The following ERC2 variants were observed in gnomAD, a reference collection of about 807,000 sequenced individuals.
ERC2 encodes the protein ELKS/RAB6-interacting/CAST family member 2, also known as ERC protein 2.
A neutral mutation model predicts 114.8 loss-of-function variants in ERC2; 42 were observed. The ratio of observed to expected loss-of-function variants is 0.37; its 90% confidence interval spans 0.29 to 0.47. The LOEUF is 0.47. Among genes scored for constraint, ERC2 ranks in the 20% least tolerant of loss-of-function variants. ERC2 has a pLI of 0.99. For synonymous variants in ERC2, 454 were observed against 425.5 expected, an observed-to-expected ratio of 1.07 and a Z score of -0.82; for missense variants, 939 against 1,150.7, an observed-to-expected ratio of 0.82 and a Z score of 2.66.
chr3:55,787,748 C>G (rs1207760916), intron 14 of ERC2, among the ~76,000 whole-genome samples: 13 of 152,180 alleles, frequency 8.5e-5, no homozygotes, highest in Non-Finnish European at 1.6e-4. Context: ...TTTACCACTC[C>G]ATATCTGATA....
chr3:55,944,284 G>A (rs2066994043), intron 13 of ERC2, among the ~76,000 whole-genome samples: 1 of 152,244 alleles, frequency 6.6e-6, no homozygotes, highest in Admixed American at 6.5e-5. Context: ...CTAATGGAGT[G>A]AAACCTGAAA....
At chr3:55,638,160 C>T (rs1306979603) in intron 17 of ERC2, among the ~76,000 whole-genome samples, 3 of 152,218 alleles carry the variant, frequency 2.0e-5, no homozygotes, top group African/African-American at 7.2e-5. Context: ...TCCCCCTGAC[C>T]ATGTTCATTC....
Position 56,434,606 on chromosome 3 carries a change from C to T in ERC2, c.402G>A (p.Gln134=). The change falls in exon 2 of 18, where the codon CAG becomes CAA. Residue 134 remains glutamine, a synonymous_variant. Coordinates refer to ENST00000288221, the MANE Select transcript of ERC2 (RefSeq NM_015576.3). ...LTGSSHHHHH[Q]VPSMLRQVRD... is the part of the protein sequence containing the mutation. ...TTACCTGCCTCAACATGGAGGGGAC[C>T]TGGTGGTGGTGATGATGGGATGAGC... is the stretch of plus-strand genomic sequence containing the variant. 1.2e-6 allele frequency: 2 copies of T among 1,613,874 alleles called. No individual in the cohort carries two copies. Among genetic ancestry groups the T allele is most frequent in the Non-Finnish European group, 1.7e-6 (2 of 1,179,884 alleles).
At chr3:55,724,458 A>C (rs2064786065) in intron 15 of ERC2, among the ~76,000 whole-genome samples, 1 of 152,214 alleles carries the variant, frequency 6.6e-6, no homozygotes, top group Non-Finnish European at 1.5e-5. Context: ...GAAAAGCTTC[A>C]ATGTGAGTCC....
At chr3:55,885,816 C>A (rs2063328852) in intron 14 of ERC2, among the ~76,000 whole-genome samples, 1 of 152,182 alleles carries the variant, frequency 6.6e-6, no homozygotes, top group Admixed American at 6.5e-5. Flanking sequence ...CCCCTCCTCA[C>A]AACCACCCCC....
chr3:55,728,212 A>T (rs1259706397), intron 15 of ERC2, among the ~76,000 whole-genome samples: 1 of 152,230 alleles, frequency 6.6e-6, no homozygotes, highest in Non-Finnish European at 1.5e-5. Context: ...TTAGAGATCA[A>T]TGATGAGCAA....
chr3:55,888,674 G>A lies in ERC2; in HGVS notation c.2404-125C>T, dbSNP rs140863223. 2.9e-3 allele frequency: 3,214 copies of A among 1,118,414 alleles called. 7 individuals are homozygous for A. Among genetic ancestry groups the A allele is most frequent in the Non-Finnish European group, 3.7e-3 (2,892 of 774,020 alleles). The allele number at this position is 1,118,414 out of a possible 1,614,324, so 69.3% of individuals were successfully genotyped here. ...AGGGATCCTTGAACTGGGCCGCTGT[G>A]TCTTGGAGCCCTTTCTTTCTTTGTC... On this transcript the variant is annotated intron_variant, in intron 13 of 17. Coordinates refer to ENST00000288221, the MANE Select transcript of ERC2 (RefSeq NM_015576.3).
intron 14 of ERC2, among the ~76,000 whole-genome samples, chr3:55,755,939 A>G (rs552326674): frequency 6.6e-6 from 1 of 152,312 alleles, no homozygotes; most frequent in Admixed American, 6.5e-5. Context: ...AGAAGAAACT[A>G]AGAGCTCAAG....
At chr3:55,635,825 A>C (rs1248903032) in intron 17 of ERC2, among the ~76,000 whole-genome samples, 1 of 152,132 alleles carries the variant, frequency 6.6e-6, no homozygotes, top group Non-Finnish European at 1.5e-5. Flanking sequence ...TTTAAATAGC[A>C]ATCGTTCCCA....
intron 2 of ERC2, among the ~76,000 whole-genome samples, chr3:56,356,042 C>G (rs1231791745): frequency 6.6e-6 from 1 of 152,136 alleles, no homozygotes; most frequent in East Asian, 1.9e-4. Context: ...GGCTAGAAAA[C>G]CAAGGCCATT....
In ERC2 at chr3:55,642,332, TTTTCTTTTTTTTTTTC is replaced by T. The variant is rs1206587267; in HGVS notation, c.*39+41446_*39+41461del. Among the ~76,000 whole-genome samples, 4 of 105,052 alleles carry T rather than the reference TTTTCTTTTTTTTTTTC, an allele frequency of 3.8e-5. 1 individual carries two copies. The highest frequency in any genetic ancestry group is 8.0e-5 in the Non-Finnish European group (4 of 49,834). 68.9% of individuals were successfully genotyped at this position (105,052 alleles called of 152,430 possible). On this transcript the variant is annotated intron_variant, in intron 17 of 17. Coordinates refer to ENST00000288221, the MANE Select transcript of ERC2 (RefSeq NM_015576.3). Reference sequence around the variant, plus strand: ...ACAGATCACAGCTTTTTTTTTTTTCTTTTCTTTTTTTTTTTCTTTTTTGACAGAGTCTTGCTCTGTC... The same window carrying T: ...ACAGATCACAGCTTTTTTTTTTTTCTTTTTTTGACAGAGTCTTGCTCTGTC...
intron 14 of ERC2, among the ~76,000 whole-genome samples, chr3:55,736,786 T>C (rs1404216723): frequency 1.3e-5 from 2 of 152,240 alleles, no homozygotes; most frequent in Non-Finnish European, 2.9e-5. Flanking sequence ...CAGTCATCGC[T>C]TATTCAAAAA....
intron 2 of ERC2, among the ~76,000 whole-genome samples, chr3:56,383,544 T>C (rs1433309279): frequency 6.6e-6 from 1 of 152,214 alleles, no homozygotes; most frequent in Non-Finnish European, 1.5e-5. Context: ...GCCTGGCACA[T>C]AGTGGATACT....
intron 7 of ERC2, among the ~76,000 whole-genome samples, chr3:56,039,144 T>G (rs2149652073): frequency 6.6e-6 from 1 of 152,310 alleles, no homozygotes; most frequent in South Asian, 2.1e-4. Context: ...GATTGATAGG[T>G]GTAGCAAACT....
At chr3:56,350,665 C>A (rs552321176) in intron 2 of ERC2, among the ~76,000 whole-genome samples, 1 of 152,104 alleles carries the variant, frequency 6.6e-6, no homozygotes, top group Non-Finnish European at 1.5e-5. Flanking sequence ...TCAAAGAAGG[C>A]CTTCAAGGGA....
chr3:55,605,561 T>A (rs968197391), intron 17 of ERC2, among the ~76,000 whole-genome samples: 7 of 152,210 alleles, frequency 4.6e-5, no homozygotes, highest in African/African-American at 1.7e-4. Flanking sequence ...AGGAAATAGA[T>A]CATTGTGATT....
At chr3:56,184,206 G>T (rs531865769) in intron 3 of ERC2, among the ~76,000 whole-genome samples, 34 of 152,106 alleles carry the variant, frequency 2.2e-4, no homozygotes, top group African/African-American at 8.2e-4. Context: ...GAAATTAATA[G>T]AATGAAATTC....
intron 15 of ERC2, among the ~76,000 whole-genome samples, chr3:55,705,377 C>T (rs1454024398): frequency 1.3e-5 from 2 of 152,152 alleles, no homozygotes; most frequent in East Asian, 3.9e-4. Flanking sequence ...AACTAGAACA[C>T]CAAATGTGAG....
intron 6 of ERC2, among the ~76,000 whole-genome samples, chr3:56,129,135 G>A (rs2080056933): frequency 6.6e-6 from 1 of 152,276 alleles, no homozygotes; most frequent in Non-Finnish European, 1.5e-5. Context: ...AAGACAAAAG[G>A]AGGAAAGTAT....
Sources: allele counts gnomAD v4.1 joint callset (sites outside exome capture counted in the v4.1 genomes callset), GRCh38; gene constraint gnomAD v4.1.1; transcripts MANE v1.5; gene names NCBI Gene and HGNC (gene_info 2026-07-23, HGNC 2026-07-21).